LGALS8: variants seen among roughly 807,000 people sequenced by gnomAD.
LGALS8 encodes galectin-8.
Under a neutral mutation model 35.9 loss-of-function variants are expected in LGALS8, and 30 were observed. The ratio of observed to expected loss-of-function variants is 0.83; its 90% CI spans 0.62 to 1.13. The LOEUF (loss-of-function observed/expected upper bound fraction) is 1.13. LGALS8 is among the 50% of genes most tolerant of loss of function. LGALS8 has a pLI of 0.00. For synonymous variants in LGALS8, 138 were observed against 136.1 expected (o/e 1.01, Z -0.10); for missense variants, 366 against 388.7 (o/e 0.94, Z 0.49).
At position 236,552,189 on chromosome 1, in the gene LGALS8, G is replaced by T; in HGVS notation, c.*4028G>T. The T allele has an allele frequency of 5.7e-6, 5 of 880,460 alleles. No individual in the cohort carries two copies. The highest frequency in any genetic ancestry group is 2.5e-5 in the East Asian group (1 of 40,156). 54.5% of individuals were successfully genotyped at this position (880,460 alleles called of 1,614,324 possible). A position where few individuals can be genotyped will look rare whatever the true frequency, so the allele number is the denominator to read the frequency against. ...TAAGAGCTGTACTGACTTGAGACAAGCTCTAACTTTTTAAACATTAGTTCA... is the reference window on the plus strand; with the variant it reads ...TAAGAGCTGTACTGACTTGAGACAATCTCTAACTTTTTAAACATTAGTTCA... On this transcript the variant is annotated 3_prime_UTR_variant, in exon 10 of 10. Transcript: ENST00000366584.
In LGALS8 at chr1:236,540,589, T is replaced by C. The variant is rs768217179; in HGVS notation, c.371T>C (p.Leu124Pro). ...FQVAVNGKHT[L>P]LYGHRIGPEK... ...GTGGCTGTAAATGGAAAACATACTC[T>C]GCTCTATGGCCACAGGATCGGCCCA... Residue 124 changes from leucine to proline, a missense_variant, in exon 5 of 10, where the codon CTG (leucine) becomes CCG (proline). Physicochemically the swap from Leu to Pro is moderately conservative, Grantham distance 98 (BLOSUM62 -3). Coordinates refer to ENST00000366584, the MANE Select transcript of LGALS8 (RefSeq NM_201544.4). 2 of 1,610,344 alleles carry C rather than the reference T, an allele frequency of 1.2e-6. No individual in the cohort carries two copies. The highest frequency in any genetic ancestry group is 1.7e-6 in the Non-Finnish European group (2 of 1,178,420).
chr1:236,522,134 A>G (rs1020323576), upstream of LGALS8, among the ~76,000 whole-genome samples: 2 of 152,184 alleles, frequency 1.3e-5, no homozygotes, highest in African/African-American at 4.8e-5. Flanking sequence ...AATGAGGGAG[A>G]TATTTCTAGG....
intron 7 of LGALS8, chr1:236,543,154 T>C: frequency 2.1e-6 from 2 of 965,896 alleles, no homozygotes; most frequent in Non-Finnish European, 3.2e-6. Context: ...TGCATTTGTG[T>C]GCCGTCCCTG....
In LGALS8 at chr1:236,535,300, C is replaced by T. The variant is rs530913493; in HGVS notation, c.46-2197C>T. On this transcript the variant is annotated intron_variant, in intron 2 of 9. Coordinates refer to ENST00000366584, the MANE Select transcript of LGALS8 (RefSeq NM_201544.4). ...TGATTTCTTTAGTGTTTCTCTTTTT[C>T]TTTTTTTAATTTTTAATTTTTTTGA... is the stretch of plus-strand genomic sequence containing the variant. 2.4e-3 allele frequency among the ~76,000 whole-genome samples: 368 copies of T among 151,448 alleles called. 4 individuals carry two copies. Among genetic ancestry groups the T allele is most frequent in the African/African-American group, 8.7e-3 (361 of 41,270 alleles).
At chr1:236,531,620 C>T (rs1291490494) in intron 2 of LGALS8, among the ~76,000 whole-genome samples, 2 of 152,134 alleles carry the variant, frequency 1.3e-5, no homozygotes, top group African/African-American at 2.4e-5. Flanking sequence ...CCACCGCGCC[C>T]GGCCCCATTT....
rs555456164 is a variant in LGALS8 at position 236,543,617 on chromosome 1, G to A, written c.607G>A (p.Val203Ile). The A allele has an allele frequency of 2.8e-5, 46 of 1,614,072 alleles. No homozygotes were observed. The highest frequency in any genetic ancestry group is 3.2e-5 in the Non-Finnish European group (38 of 1,179,954). The change falls in exon 8 of 10, where the codon GTT (valine) becomes ATT (isoleucine). Residue 203 changes from valine (V) to isoleucine (I), a missense_variant. Coordinates refer to ENST00000366584, the MANE Select transcript of LGALS8 (RefSeq NM_201544.4). ...CATGGGCCCTGGACGAACTGTCGTC[G>A]TTAAAGGAGAAGTGAATGCAAATGC... ...TPMGPGRTVV[V>I]KGEVNANAKS...
chr1:236,535,170 G>A (rs1891241), intron 2 of LGALS8, among the ~76,000 whole-genome samples: 92,771 of 151,334 alleles, frequency 0.61, 29,256 homozygotes, highest in Non-Finnish European at 0.69. Flanking sequence ...TCTGGCTATA[G>A]AAATATCGAT....
In LGALS8 at chr1:236,524,092, C is replaced by G. The variant is rs374214575; in HGVS notation, c.-104+31C>G. On this transcript the variant is annotated intron_variant, in intron 1 of 9. Transcript: ENST00000366584. ...TCGCGCGACCCCCGGCCTCGGGTGG[C>G]GGGGCAGTCGCTAGAGGCGTGGCTG... 9 of 455,954 alleles carry G rather than the reference C, an allele frequency of 2.0e-5. No individual in the cohort carries two copies. In the East Asian group the frequency reaches 4.2e-4, roughly 21 times the overall value. The allele number at this position is 455,954 out of a possible 1,614,324, so 28.2% of individuals were successfully genotyped here. A position where few individuals can be genotyped will look rare whatever the true frequency, so the allele number is the denominator to read the frequency against.
rs1660808234 is a variant in LGALS8, at chr1:236,526,168, G to C, written c.45+53G>C. 2.4e-6 allele frequency: 3 copies of C among 1,271,298 alleles called. No homozygotes were observed. In the Admixed American group the frequency reaches 5.2e-5, roughly 22 times the overall value. 78.8% of individuals were successfully genotyped at this position (1,271,298 alleles called of 1,614,324 possible). On this transcript the variant is annotated intron_variant, in intron 2 of 9. Transcript: ENST00000366584. This position sits in a 1 kb window ranked among gnomAD's most constrained non-coding sequence, Gnocchi z 4.6. ...TACCTATGCCAGGACAGATCCAATAGAATATTAATTATCCATTGGGAGACA... is the reference window on the plus strand; with the variant it reads ...TACCTATGCCAGGACAGATCCAATACAATATTAATTATCCATTGGGAGACA...
Position 236,540,549 on chromosome 1 carries a change from T to C in LGALS8, c.346-15T>C. On this transcript the variant is annotated splice_polypyrimidine_tract_variant and intron_variant, in intron 4 of 9. Transcript: ENST00000366584. ...TTTGGTGGCGGGGGGGGCTCTGTCT[T>C]CTGTATCTCTCTAGGTGGCTGTAAA... is the stretch of plus-strand genomic sequence containing the variant. The C allele has an allele frequency of 6.5e-7, 1 of 1,546,018 alleles. No individual in the cohort carries two copies. The highest frequency in any genetic ancestry group is 1.2e-5 in the South Asian group (1 of 81,824).
rs1300685548 is a variant in LGALS8 at position 236,548,572 on chromosome 1, TC to T, written c.*412del. On this transcript the variant is annotated 3_prime_UTR_variant, in exon 10 of 10. Coordinates refer to ENST00000366584, the MANE Select transcript of LGALS8 (RefSeq NM_201544.4). Reference sequence around the variant, plus strand: ...GTTCCCTGTTCTCTTGAGCTTCGACTCTTCTGTGCGCTACTGCTGCGCACTG... The same window carrying T: ...GTTCCCTGTTCTCTTGAGCTTCGACTTTCTGTGCGCTACTGCTGCGCACTG... 2 of 262,446 alleles carry T rather than the reference TC, an allele frequency of 7.6e-6. No homozygotes were observed. The highest frequency in any genetic ancestry group is 1.4e-5 in the Non-Finnish European group (2 of 140,408). 16.3% of individuals were successfully genotyped at this position (262,446 alleles called of 1,614,324 possible).
chr1:236,546,887 C>T (rs1041582966), intron 9 of LGALS8, among the ~76,000 whole-genome samples: 1 of 152,158 alleles, frequency 6.6e-6, no homozygotes, highest in Non-Finnish European at 1.5e-5. Flanking sequence ...TCTCAGGTTA[C>T]ACCTATTTCC....
At chr1:236,538,500 G>T (rs1661727717) in intron 3 of LGALS8, among the ~76,000 whole-genome samples, 1 of 152,212 alleles carries the variant, frequency 6.6e-6, no homozygotes, top group Non-Finnish European at 1.5e-5. Context: ...GGTGCATGTG[G>T]TGTTTGCGGG....
At position 236,550,939 on chromosome 1, in the gene LGALS8, T is replaced by C. The variant is rs2103118253; in HGVS notation, c.*2778T>C. Reference sequence around the variant, plus strand: ...CTGGAGTGGCTCTCCCAGGACAGTTTCCAGTTGCTGAATAGTCTTTTGGCA... The same window carrying C: ...CTGGAGTGGCTCTCCCAGGACAGTTCCCAGTTGCTGAATAGTCTTTTGGCA... On this transcript the variant is annotated 3_prime_UTR_variant, in exon 10 of 10. Coordinates refer to ENST00000366584, the MANE Select transcript of LGALS8 (RefSeq NM_201544.4). 1.2e-6 allele frequency: 2 copies of C among 1,610,092 alleles called. No individual in the cohort carries two copies. The highest frequency in any genetic ancestry group is 1.7e-4 in the Middle Eastern group (1 of 6,040).
intron 1 of LGALS8, 62 bp from the exon 2 acceptor site, chr1:236,525,906 T>C (rs1459430666): frequency 2.0e-6 from 1 of 497,240 alleles, no homozygotes; most frequent in Non-Finnish European, 3.6e-6. Flanking sequence ...AATTTTAAAA[T>C]AGGATATGAA....
Position 236,551,925 on chromosome 1 carries a change from T to C in LGALS8, c.*3764T>C, listed in dbSNP as rs974939230. Reference sequence around the variant, plus strand: ...CGTTATATCCAAATCTGCATTATCATTGGGCACATTTTCACAGAATTTTAC... The same window carrying C: ...CGTTATATCCAAATCTGCATTATCACTGGGCACATTTTCACAGAATTTTAC... On this transcript the variant is annotated 3_prime_UTR_variant, in exon 10 of 10. Coordinates refer to ENST00000366584, the MANE Select transcript of LGALS8 (RefSeq NM_201544.4). 54 of 963,024 alleles carry C rather than the reference T, an allele frequency of 5.6e-5. No individual in the cohort carries two copies. Among genetic ancestry groups the C allele is most frequent in the Non-Finnish European group, 8.0e-5 (48 of 603,744 alleles). 59.7% of individuals were successfully genotyped at this position (963,024 alleles called of 1,614,324 possible).
intron 7 of LGALS8, chr1:236,543,119 A>G (rs1662121022): frequency 1.5e-6 from 2 of 1,349,228 alleles, no homozygotes; most frequent in Non-Finnish European, 2.1e-6. Flanking sequence ...CTGTATCCAC[A>G]ATAGAGGCCC....
At position 236,526,257 on chromosome 1, in the gene LGALS8, G is replaced by C; in HGVS notation, c.45+142G>C. 1.8e-6 allele frequency: 1 copy of C among 571,382 alleles called. No individual in the cohort carries two copies. Among genetic ancestry groups the C allele is most frequent in the South Asian group, 2.6e-5 (1 of 38,716 alleles). The allele number at this position is 571,382 out of a possible 1,614,324, so 35.4% of individuals were successfully genotyped here. ...TACTATGTAATAGAGATGGTGGTGG[G>C]TGCTGATTACAAAACAGCTCTTGTC... On this transcript the variant is annotated intron_variant, in intron 2 of 9. Transcript: ENST00000366584. The surrounding 1 kb of genome is among the most constrained non-coding windows in gnomAD (Gnocchi z 4.6).
At position 236,548,586 on chromosome 1, in the gene LGALS8, C is replaced by T. The variant is rs1041941; in HGVS notation, c.*425C>T. 169,998 of 269,666 alleles carry T rather than the reference C, an allele frequency of 0.63. 54,980 individuals carry two copies. The highest frequency in any genetic ancestry group is 0.69 in the Non-Finnish European group (100,296 of 145,220). The allele number at this position is 269,666 out of a possible 1,614,324, so 16.7% of individuals were successfully genotyped here. A position where few individuals can be genotyped will look rare whatever the true frequency, so the allele number is the denominator to read the frequency against. On this transcript the variant is annotated 3_prime_UTR_variant, in exon 10 of 10. Coordinates refer to ENST00000366584, the MANE Select transcript of LGALS8 (RefSeq NM_201544.4). ...TGAGCTTCGACTCTTCTGTGCGCTA[C>T]TGCTGCGCACTGCTTTTTCTACAGG...
Sources: allele counts gnomAD v4.1 joint callset (sites outside exome capture counted in the v4.1 genomes callset), GRCh38; gene constraint gnomAD v4.1.1; non-coding constraint Gnocchi (gnomAD v3.1); transcripts MANE v1.5; gene names NCBI Gene and HGNC (gene_info 2026-07-23, HGNC 2026-07-21).